LIMA1: variants seen among roughly 807,000 people sequenced by gnomAD.
The protein encoded by LIMA1 is LIM domain and actin binding 1, also known as LIM domain and actin-binding protein 1.
In LIMA1, 52 loss-of-function variants were observed where a neutral mutation model predicts 62.6. The ratio of observed to expected loss-of-function variants is 0.83; its 90% CI spans 0.67 to 1.05. LIMA1 has a LOEUF of 1.05. Ranked by LOEUF, LIMA1 falls within the 50% of genes least tolerant of loss-of-function variation. LIMA1 has a pLI of 0.00. For synonymous variants in LIMA1, 302 were observed against 317.8 expected (o/e 0.95, Z 0.53); for missense variants, 780 against 902.2 (o/e 0.86, Z 1.74).
At chr12:50,244,403 AT>A (rs1276480231) in intron 2 of LIMA1, among the ~76,000 whole-genome samples, 17 of 151,674 alleles carry the variant, frequency 1.1e-4, no homozygotes, top group Admixed American at 3.9e-4. Context: ...GCGCCCAGCC[AT>A]TTTTTTGTAT....
chr12:50,262,142 T>C (rs147565625), intron 1 of LIMA1, among the ~76,000 whole-genome samples: 2 of 152,348 alleles, frequency 1.3e-5, no homozygotes, highest in Non-Finnish European at 2.9e-5. Flanking sequence ...ATTGTTTTAG[T>C]TAACTCCTTC....
intron 1 of LIMA1, among the ~76,000 whole-genome samples, chr12:50,265,398 T>TA (rs1942128022): frequency 6.6e-6 from 1 of 151,988 alleles, no homozygotes; most frequent in Non-Finnish European, 1.5e-5. Flanking sequence ...CGCATGCCTG[T>TA]AATCCCAGCT....
At chr12:50,255,229 T>C (rs1037519986) in intron 1 of LIMA1, among the ~76,000 whole-genome samples, 5 of 151,426 alleles carry the variant, frequency 3.3e-5, no homozygotes, top group South Asian at 2.1e-4. Context: ...CTCAAAAAAT[T>C]AGAACAAAGT....
chr12:50,260,094 T>G (rs1280141688), intron 1 of LIMA1, among the ~76,000 whole-genome samples: 1 of 151,742 alleles, frequency 6.6e-6, no homozygotes, highest in Non-Finnish European at 1.5e-5. Context: ...TCCACATGAT[T>G]CCCAAAGCTG....
At position 50,232,859 on chromosome 12, in the gene LIMA1, C is replaced by T. The variant is rs567724352; in HGVS notation, c.120-1149G>A. The stretch of plus-strand genomic sequence containing the variant: ...AAAATCAGCCAGGCATAGTGGCGCA[C>T]ACCTATAATCCCAGCTACTCGGGGG... On this transcript the variant is annotated intron_variant, in intron 2 of 10. Coordinates refer to ENST00000341247, the MANE Select transcript of LIMA1 (RefSeq NM_016357.5). 2.1e-4 allele frequency among the ~76,000 whole-genome samples: 32 copies of T among 152,326 alleles called. No individual in the cohort carries two copies. The East Asian group carries it at 6.2e-3, about 29-fold the overall frequency.
Position 50,177,191 on chromosome 12 carries a change from T to C in LIMA1, c.2153A>G (p.Glu718Gly). ...GGATTTCTGATTCTGAGTAGTGAATTCTTCAGCAAAGGTGTTGTCTACAAA... is the reference window on the plus strand; with the variant it reads ...GGATTTCTGATTCTGAGTAGTGAATCCTTCAGCAAAGGTGTTGTCTACAAA... ...SSFVDNTFAE[E>G]FTTQNQKSQD... Residue 718 changes from glutamate (E) to glycine (G), a missense_variant, in exon 11 of 11, where the codon GAA becomes GGA. By Grantham distance (98) the Glu-to-Gly change is moderately conservative (BLOSUM62 -2). Coordinates refer to ENST00000341247, the MANE Select transcript of LIMA1 (RefSeq NM_016357.5). The C allele has an allele frequency of 5.6e-6, 9 of 1,614,138 alleles. No homozygotes were observed. The highest frequency in any genetic ancestry group is 7.6e-6 in the Non-Finnish European group (9 of 1,180,032).
intron 2 of LIMA1, among the ~76,000 whole-genome samples, chr12:50,237,792 T>A (rs1941717540): frequency 6.6e-6 from 1 of 152,178 alleles, no homozygotes; most frequent in Non-Finnish European, 1.5e-5. Flanking sequence ...CCCTTACATG[T>A]ATGGTCAGAT....
intron 1 of LIMA1, among the ~76,000 whole-genome samples, chr12:50,276,036 C>A (rs905013709): frequency 4.6e-5 from 7 of 151,950 alleles, no homozygotes; most frequent in African/African-American, 1.2e-4. Context: ...GTAATTCTAA[C>A]ACAGGCAATT....
In LIMA1 at chr12:50,263,903, G is replaced by GTATA. The variant is rs57637973; in HGVS notation, c.-23-15133_-23-15130dup. ...AAGTATATATATATATATAAAGTATGTATATATATATATATACTCAAGAGA... is the reference window on the plus strand; with the variant it reads ...AAGTATATATATATATATAAAGTATGTATATATATATATATATATACTCAAGAGA... On this transcript the variant is annotated intron_variant, in intron 1 of 10. Coordinates refer to ENST00000341247, the MANE Select transcript of LIMA1 (RefSeq NM_016357.5). 2.8e-3 allele frequency among the ~76,000 whole-genome samples: 390 copies of GTATA among 137,070 alleles called. 1 individual carries two copies. The highest frequency in any genetic ancestry group is 0.017 in the East Asian group (84 of 4,866). 89.9% of individuals were successfully genotyped at this position (137,070 alleles called of 152,430 possible). A position where few individuals can be genotyped will look rare whatever the true frequency, so the allele number is the denominator to read the frequency against.
chr12:50,266,161 G>T (rs1002578465), intron 1 of LIMA1, among the ~76,000 whole-genome samples: 1 of 152,104 alleles, frequency 6.6e-6, no homozygotes, highest in South Asian at 2.1e-4. Flanking sequence ...TCAAAGTCTG[G>T]AGCATAAACT....
chr12:50,204,598 T>G lies in LIMA1; in HGVS notation c.818A>C (p.Lys273Thr), dbSNP rs1941117107. ...TTGTTTGGACACAGCTGCCTGGTAC[T>G]TGGCCATTCGATCCTTTATAGAGGT... ...SETSIKDRMA[K>T]YQAAVSKQSS... is the part of the protein sequence containing the mutation. The change falls in exon 6 of 11, where the codon AAG becomes ACG. Residue 273 changes from lysine to threonine, a missense_variant. Coordinates refer to ENST00000341247, the MANE Select transcript of LIMA1 (RefSeq NM_016357.5). 1 of 1,614,244 alleles carries G rather than the reference T, an allele frequency of 6.2e-7. No homozygotes were observed. The highest frequency in any genetic ancestry group is 8.5e-7 in the Non-Finnish European group (1 of 1,180,044).
At chr12:50,216,587 C>A (rs1808707430) in intron 4 of LIMA1, among the ~76,000 whole-genome samples, 1 of 151,994 alleles carries the variant, frequency 6.6e-6, no homozygotes, top group Non-Finnish European at 1.5e-5. Flanking sequence ...GAAGTAGAAC[C>A]ATCACATTCA....
Position 50,200,774 on chromosome 12 carries a change from T to G in LIMA1, c.972+3A>C. On this transcript the variant is annotated splice_donor_region_variant and intron_variant, in intron 7 of 10. Coordinates refer to ENST00000341247, the MANE Select transcript of LIMA1 (RefSeq NM_016357.5). ...CAACTGGACATCAGACTTTTCAACC[T>G]ACCTTTTCCCCTTCCTGATGGGTGA... is the stretch of plus-strand genomic sequence containing the variant. 6.2e-7 allele frequency: 1 copy of G among 1,613,442 alleles called. No individual in the cohort carries two copies. The highest frequency in any genetic ancestry group is 8.5e-7 in the Non-Finnish European group (1 of 1,179,602).
At chr12:50,240,412 G>A (rs552665498) in intron 2 of LIMA1, among the ~76,000 whole-genome samples, 1 of 152,266 alleles carries the variant, frequency 6.6e-6, no homozygotes, top group East Asian at 1.9e-4. Flanking sequence ...ATGGACTGGA[G>A]GGGCTGAGAA....
chr12:50,218,905 A>AAAC (rs1565845793), intron 4 of LIMA1, among the ~76,000 whole-genome samples: 2 of 104,910 alleles, frequency 1.9e-5, no homozygotes, highest in African/African-American at 7.9e-5. Context: ...TAAAAAAAAA[A>AAAC]AAAACAAAAA....
chr12:50,217,660 G>T, intron 4 of LIMA1: 1 of 215,010 alleles, frequency 4.7e-6, no homozygotes, highest in South Asian at 7.8e-5. Context: ...CGGGCTTCAT[G>T]ACCTTGATTT....
At chr12:50,231,350 A>T (rs773166407) in intron 3 of LIMA1, among the ~76,000 whole-genome samples, 1 of 152,252 alleles carries the variant, frequency 6.6e-6, no homozygotes, top group Non-Finnish European at 1.5e-5. Flanking sequence ...TTTGGAAAAA[A>T]GGAAGACCAC....
intron 4 of LIMA1, among the ~76,000 whole-genome samples, chr12:50,208,937 A>T (rs1377849535): frequency 6.6e-6 from 1 of 151,552 alleles, no homozygotes; most frequent in Non-Finnish European, 1.5e-5. Flanking sequence ...AATAATTTAT[A>T]TCCAGTCAGC....
chr12:50,281,491 T>C (rs1168414663), intron 1 of LIMA1, among the ~76,000 whole-genome samples: 1 of 152,158 alleles, frequency 6.6e-6, no homozygotes, highest in Non-Finnish European at 1.5e-5. Flanking sequence ...GAACAAAGCT[T>C]GAGTGTACCA....
Sources: gnomAD v4.1 joint callset for allele counts (sites outside exome capture counted in the v4.1 genomes callset) on GRCh38, gnomAD v4.1.1 for gene constraint, MANE v1.5 for transcripts, NCBI Gene and HGNC (gene_info 2026-07-23, HGNC 2026-07-21) for gene names.